NEDD4L: variants seen among roughly 807,000 people sequenced by gnomAD.
The protein encoded by NEDD4L is NEDD4 like E3 ubiquitin protein ligase, also known as E3 ubiquitin-protein ligase NEDD4-like.
NEDD4L carries 54 observed loss-of-function variants against 148.9 expected under a neutral mutation model. The ratio of observed to expected loss-of-function variants is 0.36; its 90% CI spans 0.29 to 0.45. The LOEUF is 0.45. Ranked by LOEUF, NEDD4L falls within the 20% of genes least tolerant of loss-of-function variation. The pLI is 1.00. For synonymous variants in NEDD4L, 433 were observed against 440.7 expected, an observed-to-expected ratio of 0.98 and a Z score of 0.22; for missense variants, 856 against 1,233.8, an observed-to-expected ratio of 0.69 and a Z score of 4.59.
At chr18:58,376,862 T>G (rs1300304008) in intron 24 of NEDD4L, among the ~76,000 whole-genome samples, 1 of 152,224 alleles carries the variant, frequency 6.6e-6, no homozygotes, top group African/African-American at 2.4e-5. Context: ...CCCACTGGGC[T>G]TGTCCAACAC....
At chr18:58,354,553 C>A (rs944193401) in intron 18 of NEDD4L, among the ~76,000 whole-genome samples, 3 of 151,942 alleles carry the variant, frequency 2.0e-5, no homozygotes, top group African/African-American at 7.3e-5. Flanking sequence ...GTTCCAAAAG[C>A]TTAGGCTCTT....
chr18:58,263,533 T>C (rs754789562), intron 5 of NEDD4L, among the ~76,000 whole-genome samples: 15 of 152,202 alleles, frequency 9.9e-5, no homozygotes, highest in Non-Finnish European at 1.8e-4. Flanking sequence ...TAGATTTAGT[T>C]TCTCTTTCTT....
intron 1 of NEDD4L, among the ~76,000 whole-genome samples, chr18:58,090,295 A>G (rs1056820177): frequency 6.6e-6 from 1 of 152,208 alleles, no homozygotes; most frequent in Non-Finnish European, 1.5e-5. Flanking sequence ...AGGTTTTACT[A>G]TAAGTGTAAA....
intron 2 of NEDD4L, among the ~76,000 whole-genome samples, chr18:58,215,361 T>A (rs77669141): frequency 6.6e-6 from 1 of 152,218 alleles, no homozygotes; most frequent in South Asian, 2.1e-4. Context: ...TCTCATTTTA[T>A]GTCTTCAGTC....
chr18:58,167,148 A>T (rs2036949758), intron 2 of NEDD4L, among the ~76,000 whole-genome samples: 1 of 152,242 alleles, frequency 6.6e-6, no homozygotes. Context: ...ATGGTGTCAC[A>T]AGGAACCTTA....
intron 25 of NEDD4L, among the ~76,000 whole-genome samples, chr18:58,383,647 A>G (rs2048634618): frequency 6.6e-6 from 1 of 152,228 alleles, no homozygotes; most frequent in Non-Finnish European, 1.5e-5. Flanking sequence ...CCACGGTGTC[A>G]GTGACCAGCA....
At chr18:58,183,827 A>G (rs993570534) in intron 2 of NEDD4L, among the ~76,000 whole-genome samples, 6 of 152,094 alleles carry the variant, frequency 3.9e-5, no homozygotes, top group East Asian at 3.8e-4. Flanking sequence ...TTTAACTTCT[A>G]CCCTCTTTCC....
At chr18:58,064,747 C>T (rs373652774) in intron 1 of NEDD4L, among the ~76,000 whole-genome samples, 1 of 152,132 alleles carries the variant, frequency 6.6e-6, no homozygotes, top group Non-Finnish European at 1.5e-5. Flanking sequence ...AAAATATGCC[C>T]GTTAGTGTAT....
intron 18 of NEDD4L, among the ~76,000 whole-genome samples, chr18:58,353,760 T>A (rs1232698647): frequency 6.6e-6 from 1 of 152,234 alleles, no homozygotes. Flanking sequence ...CTAAACAATC[T>A]TATAGCAAAA....
At chr18:58,088,138 A>C (rs2083861195) in intron 1 of NEDD4L, among the ~76,000 whole-genome samples, 1 of 152,198 alleles carries the variant, frequency 6.6e-6, no homozygotes, top group South Asian at 2.1e-4. Context: ...GAATGCCTTC[A>C]CTACAGGGCA....
At chr18:58,268,730 A>G (rs17064589) in intron 5 of NEDD4L, among the ~76,000 whole-genome samples, 6,945 of 152,112 alleles carry the variant, frequency 0.046, 506 homozygotes, top group African/African-American at 0.15. Flanking sequence ...AAAGAAATAG[A>G]CATCATGCTT....
intron 5 of NEDD4L, chr18:58,255,672 C>T: frequency 8.1e-7 from 1 of 1,232,424 alleles, no homozygotes; most frequent in Non-Finnish European, 1.0e-6. Flanking sequence ...CATTTTGGCT[C>T]TGGTCGCAGC....
At chr18:58,368,112 T>C (rs1033369244) in intron 22 of NEDD4L, among the ~76,000 whole-genome samples, 7 of 152,240 alleles carry the variant, frequency 4.6e-5, no homozygotes, top group African/African-American at 1.4e-4. Context: ...CAGAACATTA[T>C]GTATTTATAC....
At chr18:58,322,073 T>G (rs1362429498) in intron 6 of NEDD4L, among the ~76,000 whole-genome samples, 1 of 152,244 alleles carries the variant, frequency 6.6e-6, no homozygotes. Context: ...CATATGTGTC[T>G]CGAGTCACAG....
At chr18:58,197,926 T>TGGGTGG (rs1192893440) in intron 2 of NEDD4L, 2 of 152,156 alleles carry the variant, frequency 1.3e-5, no homozygotes, top group Non-Finnish European at 2.9e-5. Flanking sequence ...CACTCTCCAG[T>TGGGTGG]GGGTGGGGGT....
intron 1 of NEDD4L, among the ~76,000 whole-genome samples, chr18:58,093,660 A>G (rs2084208285): frequency 6.6e-6 from 1 of 152,174 alleles, no homozygotes; most frequent in African/African-American, 2.4e-5. Flanking sequence ...GTAGTCTTAT[A>G]TTTGCTACGT....
At chr18:58,150,901 C>T (rs916798856) in intron 1 of NEDD4L, among the ~76,000 whole-genome samples, 1 of 152,140 alleles carries the variant, frequency 6.6e-6, no homozygotes, top group Non-Finnish European at 1.5e-5. Flanking sequence ...GTGATCTTGC[C>T]TCACTGGCCC....
chr18:58,298,683 A>G (rs575318003), intron 5 of NEDD4L, among the ~76,000 whole-genome samples: 6 of 152,322 alleles, frequency 3.9e-5, no homozygotes, highest in Admixed American at 3.9e-4. Flanking sequence ...CAGCACTTCT[A>G]AGTAATCACT....
intron 24 of NEDD4L, among the ~76,000 whole-genome samples, chr18:58,375,177 C>G (rs753960870): frequency 2.6e-5 from 4 of 152,136 alleles, no homozygotes. Flanking sequence ...TGCTGTGCCC[C>G]GTGACTCCCC....
Sources: gnomAD v4.1 joint callset for allele counts (sites outside exome capture counted in the v4.1 genomes callset) on GRCh38, gnomAD v4.1.1 for gene constraint, MANE v1.5 for transcripts, NCBI Gene and HGNC (gene_info 2026-07-23, HGNC 2026-07-21) for gene names.